CC2D2B: variants seen among roughly 807,000 people sequenced by gnomAD.
The protein encoded by CC2D2B is coiled-coil and C2 domain containing 2B, also known as protein CC2D2B.
CC2D2B carries 128 observed loss-of-function variants against 161.2 expected under a neutral mutation model. That is an observed-to-expected ratio of 0.79 (90% CI 0.69 to 0.92). The LOEUF (loss-of-function observed/expected upper bound fraction) is 0.92, where lower values mean the gene tolerates loss of function less well. CC2D2B is among the 40% of genes least tolerant of loss of function. The probability of loss-of-function intolerance (pLI) is 0.00; values close to 1 mark genes in which losing one functional copy is unlikely to be tolerated. For missense variants in CC2D2B, 1,173 were observed against 1,375.1 expected (o/e 0.85, Z 2.32); for synonymous variants, 391 against 449.8 (o/e 0.87, Z 1.65).
At chr10:95,976,537 T>C (rs1404532157) in intron 17 of CC2D2B, among the ~76,000 whole-genome samples, 1 of 152,194 alleles carries the variant, frequency 6.6e-6, no homozygotes, top group Non-Finnish European at 1.5e-5. Context: ...CACAGTTTTG[T>C]TGTGGCAGCT....
At position 96,032,998 on chromosome 10, in the gene CC2D2B, CT is replaced by C. The variant is rs1204519128; in HGVS notation, c.*992del. ...CTTTCTTCTAGTTTATTGTTTTGTC[CT>C]TCATTAAAAGAAATGTGTTTATATA... On this transcript the variant is annotated 3_prime_UTR_variant, in exon 35 of 35. Coordinates refer to ENST00000646931, the MANE Select transcript of CC2D2B (RefSeq NM_001349008.3). Among the ~76,000 whole-genome samples, 1 of 152,064 alleles carries C rather than the reference CT, an allele frequency of 6.6e-6. No homozygotes were observed. The highest frequency in any genetic ancestry group is 2.4e-5 in the African/African-American group (1 of 41,412).
chr10:95,993,952 GTATA>G lies in CC2D2B; in HGVS notation c.2643-1274_2643-1271del, dbSNP rs1169560460. Among the ~76,000 whole-genome samples, 67 of 18,160 alleles carry G rather than the reference GTATA, an allele frequency of 3.7e-3. 1 individual carries two copies. The highest frequency in any genetic ancestry group is 0.028 in the South Asian group (12 of 426). The allele number at this position is 18,160 out of a possible 152,430, so 11.9% of individuals were successfully genotyped here. A position where few individuals can be genotyped will look rare whatever the true frequency, so the allele number is the denominator to read the frequency against. On this transcript the variant is annotated intron_variant, in intron 22 of 34. Transcript: ENST00000646931. ...TGTGTGTGTGTGTGTGTATGTATGT[GTATA>G]TATATATATATATATATATATATAT... is the stretch of plus-strand genomic sequence containing the variant.
At chr10:95,911,848 A>G (rs528591534) in intron 2 of CC2D2B, among the ~76,000 whole-genome samples, 1 of 152,198 alleles carries the variant, frequency 6.6e-6, no homozygotes, top group Admixed American at 6.5e-5. Flanking sequence ...GTTACTTGCC[A>G]GAATTGTTCC....
chr10:96,032,218 C>T lies in CC2D2B; in HGVS notation c.*210C>T, dbSNP rs1271913740. 2 of 509,080 alleles carry T rather than the reference C, an allele frequency of 3.9e-6. No homozygotes were observed. The highest frequency in any genetic ancestry group is 1.9e-5 in the African/African-American group (1 of 52,716). The allele number at this position is 509,080 out of a possible 1,614,324, so 31.5% of individuals were successfully genotyped here. On this transcript the variant is annotated 3_prime_UTR_variant, in exon 35 of 35. Coordinates refer to ENST00000646931, the MANE Select transcript of CC2D2B (RefSeq NM_001349008.3). ...GTCTAGATGAGCTTCTCACCAGAGA[C>T]CTCTCCAGGAAGGACCTTTGGATAG...
At chr10:95,996,097 A>G (rs995629077) in intron 23 of CC2D2B, 46 bp from the exon 24 acceptor site, 2 of 904,680 alleles carry the variant, frequency 2.2e-6, no homozygotes, top group Non-Finnish European at 3.3e-6. Context: ...TTTATCGACT[A>G]TATATAGTAT....
At chr10:95,932,458 C>T (rs983585361) in intron 6 of CC2D2B, among the ~76,000 whole-genome samples, 14 of 152,176 alleles carry the variant, frequency 9.2e-5, no homozygotes, top group African/African-American at 2.9e-4. Context: ...TTAGTTGATG[C>T]AATTTCTTCA....
intron 34 of CC2D2B, among the ~76,000 whole-genome samples, chr10:96,027,783 C>T (rs933890274): frequency 4.6e-5 from 7 of 152,072 alleles, no homozygotes; most frequent in African/African-American, 1.7e-4. Flanking sequence ...ATGGTACTGG[C>T]ATTAAAACAT....
chr10:96,019,562 T>C (rs1229798921), intron 31 of CC2D2B, 140 bp from the exon 32 acceptor site: 1 of 896,902 alleles, frequency 1.1e-6, no homozygotes, highest in African/African-American at 1.7e-5. Flanking sequence ...CTAGAATCTC[T>C]TTATCTCCTG....
chr10:95,972,593 C>T (rs943976530), intron 16 of CC2D2B, among the ~76,000 whole-genome samples: 4 of 152,130 alleles, frequency 2.6e-5, no homozygotes, highest in African/African-American at 4.8e-5. Flanking sequence ...GGATTACAGG[C>T]GTGAGCCACC....
At chr10:95,969,594 T>A (rs2077052177) in intron 15 of CC2D2B, among the ~76,000 whole-genome samples, 2 of 152,178 alleles carry the variant, frequency 1.3e-5, no homozygotes, top group Non-Finnish European at 2.9e-5. Flanking sequence ...TGTAGTTACA[T>A]ATATAAATCA....
At chr10:95,922,702 C>G (rs993268457) in intron 3 of CC2D2B, among the ~76,000 whole-genome samples, 1 of 152,276 alleles carries the variant, frequency 6.6e-6, no homozygotes, top group Non-Finnish European at 1.5e-5. Context: ...TTTTACTGTA[C>G]CTAGGATTGC....
intron 28 of CC2D2B, 81 bp downstream of exon 28, chr10:96,012,810 G>A (rs943111058): frequency 6.8e-6 from 6 of 884,088 alleles, no homozygotes; most frequent in Non-Finnish European, 1.1e-5. Context: ...TGTGTATTTG[G>A]GTTCAATCTA....
intron 9 of CC2D2B, among the ~76,000 whole-genome samples, chr10:95,943,422 G>A (rs970510336): frequency 1.3e-5 from 2 of 152,108 alleles, no homozygotes; most frequent in African/African-American, 2.4e-5. Context: ...AATCTTGTCC[G>A]TGGATTTTTG....
chr10:96,032,660 AAT>A lies in CC2D2B; in HGVS notation c.*654_*655del, dbSNP rs2080101179. On this transcript the variant is annotated 3_prime_UTR_variant, in exon 35 of 35. Transcript: ENST00000646931. ...TTATTTCACTGGTAAAGAAAAATAA[AAT>A]AAAATCTACCATGTTGGGCTGATGT... 2 of 360,898 alleles carry A rather than the reference AAT, an allele frequency of 5.5e-6. No individual in the cohort carries two copies. The highest frequency in any genetic ancestry group is 3.6e-5 in the Admixed American group (1 of 27,790). The allele number at this position is 360,898 out of a possible 1,614,324, so 22.4% of individuals were successfully genotyped here.
Position 96,031,813 on chromosome 10 carries a change from G to C in CC2D2B, c.4126-7G>C, listed in dbSNP as rs755832814. The C allele has an allele frequency of 1.2e-6, 2 of 1,611,040 alleles. No homozygotes were observed. The highest frequency in any genetic ancestry group is 2.2e-5 in the East Asian group (1 of 44,852). On this transcript the variant is annotated splice_region_variant and splice_polypyrimidine_tract_variant and intron_variant, in intron 34 of 34. Transcript: ENST00000646931. ...TGGGTTTATGTGCTGTTCTGTCTTT[G>C]ATCCAGGTCACGGGATTTCCCATCC...
intron 2 of CC2D2B, among the ~76,000 whole-genome samples, chr10:95,916,048 A>C (rs1414427025): frequency 2.6e-5 from 4 of 152,052 alleles, no homozygotes; most frequent in Non-Finnish European, 5.9e-5. Flanking sequence ...CTTTGCTTGG[A>C]GACTTTTTAT....
Position 95,992,511 on chromosome 10 carries a change from A to G in CC2D2B, c.2472-16A>G. ...GAAAACGTAAATGAGGCTAATGATC[A>G]TTTTTTACCCTTTAGCCAATTGACA... On this transcript the variant is annotated splice_polypyrimidine_tract_variant and intron_variant, in intron 21 of 34. Transcript: ENST00000646931. The G allele has an allele frequency of 8.1e-7, 1 of 1,234,080 alleles. No individual in the cohort carries two copies. The highest frequency in any genetic ancestry group is 1.0e-6 in the Non-Finnish European group (1 of 987,946). The allele number at this position is 1,234,080 out of a possible 1,614,324, so 76.4% of individuals were successfully genotyped here. A position where few individuals can be genotyped will look rare whatever the true frequency, so the allele number is the denominator to read the frequency against.
At chr10:95,993,956 A>T (rs1455383988) in intron 22 of CC2D2B, among the ~76,000 whole-genome samples, 2 of 17,992 alleles carry the variant, frequency 1.1e-4, no homozygotes, top group Non-Finnish European at 1.1e-4. Context: ...GTATGTGTAT[A>T]TATATATATA....
At chr10:95,973,736 C>G (rs1590685148) in intron 16 of CC2D2B, among the ~76,000 whole-genome samples, 1 of 151,926 alleles carries the variant, frequency 6.6e-6, no homozygotes, top group South Asian at 2.1e-4. Flanking sequence ...TGGTTGACAC[C>G]TGTAATCCCA....
Sources: gnomAD v4.1 joint callset for allele counts (sites outside exome capture counted in the v4.1 genomes callset) on GRCh38, gnomAD v4.1.1 for gene constraint, MANE v1.5 for transcripts, NCBI Gene and HGNC (gene_info 2026-07-23, HGNC 2026-07-21) for gene names.